Variants in AAR2 observed in about 807,000 individuals in gnomAD.
The protein encoded by AAR2 is protein AAR2 homolog.
A neutral mutation model predicts 26.9 loss-of-function variants in AAR2; 31 were observed. The observed-to-expected ratio is 1.15, with a 90% CI of 0.86 to 1.55. AAR2 has a LOEUF of 1.55. Ranked by LOEUF, AAR2 falls within the 40% of genes most tolerant of loss-of-function variation. The pLI, the probability that AAR2 is intolerant of heterozygous loss-of-function variation, is 0.00. For synonymous variants in AAR2, 188 were observed against 196.1 expected, an observed-to-expected ratio of 0.96 and a Z score of 0.34; for missense variants, 430 against 491.3, an observed-to-expected ratio of 0.88 and a Z score of 1.18.
chr20:36,249,572 T>C (rs1241888993), intron 3 of AAR2, among the ~76,000 whole-genome samples: 1 of 152,200 alleles, frequency 6.6e-6, no homozygotes, highest in African/African-American at 2.4e-5. Flanking sequence ...ACTCTGACGA[T>C]GAGGTCTATG....
rs1472533242 is a variant in AAR2, at chr20:36,240,545, C to T, written c.677C>T (p.Thr226Ile). 7 of 1,613,896 alleles carry T rather than the reference C, an allele frequency of 4.3e-6. No individual in the cohort carries two copies. Among genetic ancestry groups the T allele is most frequent in the East Asian group, 2.2e-5 (1 of 44,884 alleles). ...GAGGGTGCCACGCCAGCTGAGATAA[C>T]CAAGCACAGCATGGACCTGAGCTAT... ...FPEGATPAEI[T>I]KHSMDLSYAL... Residue 226 changes from threonine (T) to isoleucine (I), a missense_variant, in exon 2 of 4, where the codon ACC (threonine) becomes ATC (isoleucine). Physicochemically the swap from Thr to Ile is moderately conservative, Grantham distance 89. Transcript: ENST00000320849.
At chr20:36,254,358 G>A (rs886959190) in intron 3 of AAR2, among the ~76,000 whole-genome samples, 12 of 152,210 alleles carry the variant, frequency 7.9e-5, no homozygotes, top group Non-Finnish European at 1.8e-4. Context: ...GACAAATGCT[G>A]TATGATTCCA....
Position 36,244,829 on chromosome 20 carries a change from A to G in AAR2, c.890A>G (p.Asn297Ser), listed in dbSNP as rs1428159680. ...AMMKHHTLYI[N>S]LISILYHQLG... Reference sequence around the variant, plus strand: ...ATGAAGCACCACACCCTCTACATCAACCTCATCTCCATCCTGTACCACCAG... The same window carrying G: ...ATGAAGCACCACACCCTCTACATCAGCCTCATCTCCATCCTGTACCACCAG... Residue 297 changes from asparagine (N) to serine (S), a missense_variant, in exon 3 of 4, where the codon AAC becomes AGC. Asn to Ser is a conservative substitution (Grantham distance 46, BLOSUM62 1). Coordinates refer to ENST00000320849, the MANE Select transcript of AAR2 (RefSeq NM_001271874.2). 1.9e-6 allele frequency: 3 copies of G among 1,613,998 alleles called. No homozygotes were observed. Among genetic ancestry groups the G allele is most frequent in the South Asian group, 2.2e-5 (2 of 91,076 alleles).
At chr20:36,243,219 C>G (rs1236133049) in intron 2 of AAR2, among the ~76,000 whole-genome samples, 2 of 152,158 alleles carry the variant, frequency 1.3e-5, no homozygotes, top group Non-Finnish European at 2.9e-5. Context: ...GTCAGAAATG[C>G]ACAAATTTAA....
intron 3 of AAR2, among the ~76,000 whole-genome samples, chr20:36,248,283 G>C (rs1012163121): frequency 6.6e-6 from 1 of 151,994 alleles, no homozygotes; most frequent in Non-Finnish European, 1.5e-5. Context: ...CTGAGTCATG[G>C]GCTCCTTTTA....
At chr20:36,252,036 G>A (rs1232260374) in intron 3 of AAR2, among the ~76,000 whole-genome samples, 1 of 152,198 alleles carries the variant, frequency 6.6e-6, no homozygotes, top group East Asian at 1.9e-4. Flanking sequence ...CCCACTTTTA[G>A]AGGGTGCAAA....
intron 3 of AAR2, 24 bp from the exon 4 acceptor site, chr20:36,255,554 T>G (rs768237564): frequency 6.2e-7 from 1 of 1,613,452 alleles, no homozygotes; most frequent in South Asian, 1.1e-5. Flanking sequence ...TTCTCAGGAG[T>G]GACTTATCCT....
At chr20:36,255,535 C>T (rs1380267411) in intron 3 of AAR2, 43 bp from the exon 4 acceptor site, 2 of 1,607,814 alleles carry the variant, frequency 1.2e-6, no homozygotes, top group East Asian at 2.2e-5. Flanking sequence ...TCGCCCCCTG[C>T]CCTCCGTCTT....
Position 36,244,765 on chromosome 20 carries a change from C to T in AAR2, c.826C>T (p.Arg276Trp), listed in dbSNP as rs1340993736. The change falls in exon 3 of 4, where the codon CGG (arginine) becomes TGG (tryptophan). Residue 276 changes from arginine to tryptophan, a missense_variant. Coordinates refer to ENST00000320849, the MANE Select transcript of AAR2 (RefSeq NM_001271874.2). ...GTACGAGGCATTTGAGCATTGGAAG[C>T]GGCTCCTGAACCTCCTGTGCCGGTC... ...NVYEAFEHWK[R>W]LLNLLCRSEA... 1.5e-5 allele frequency: 24 copies of T among 1,614,042 alleles called. No homozygotes were observed. Among genetic ancestry groups the T allele is most frequent in the East Asian group, 6.7e-5 (3 of 44,890 alleles).
Position 36,244,944 on chromosome 20 carries a change from C to T in AAR2, c.987+18C>T. The T allele has an allele frequency of 6.3e-7, 1 of 1,597,414 alleles. No homozygotes were observed. The highest frequency in any genetic ancestry group is 8.6e-7 in the Non-Finnish European group (1 of 1,164,974). ...CCTTACAGGTGAGCAGTCTTTCTGA[C>T]TGAGCTGATGCACATGTGGGTCAGA... On this transcript the variant is annotated intron_variant, in intron 3 of 3. Coordinates refer to ENST00000320849, the MANE Select transcript of AAR2 (RefSeq NM_001271874.2).
chr20:36,251,290 G>A (rs2064778610), intron 3 of AAR2, among the ~76,000 whole-genome samples: 1 of 152,126 alleles, frequency 6.6e-6, no homozygotes, highest in Non-Finnish European at 1.5e-5. Context: ...GAGCCCAGGA[G>A]TTCAAGGCTG....
chr20:36,243,660 CTGTT>C (rs1439852306), intron 2 of AAR2, among the ~76,000 whole-genome samples: 7 of 152,200 alleles, frequency 4.6e-5, no homozygotes, highest in Admixed American at 3.9e-4. Flanking sequence ...CATCAGGTCT[CTGTT>C]TGAGATGGGC....
At chr20:36,244,980 C>T (rs1375211408) in intron 3 of AAR2, 54 bp downstream of exon 3, 5 of 1,498,270 alleles carry the variant, frequency 3.3e-6, no homozygotes, top group South Asian at 1.1e-5. Context: ...ATTGAGGCAA[C>T]AGTATGTGTT....
At chr20:36,238,328 C>A (rs2064639593) in intron 1 of AAR2, among the ~76,000 whole-genome samples, 1 of 152,174 alleles carries the variant, frequency 6.6e-6, no homozygotes, top group Admixed American at 6.5e-5. Flanking sequence ...TTGTGACTTG[C>A]AGTTTGGTGA....
At chr20:36,249,202 A>G (rs1219576876) in intron 3 of AAR2, among the ~76,000 whole-genome samples, 1 of 152,156 alleles carries the variant, frequency 6.6e-6, no homozygotes, top group Non-Finnish European at 1.5e-5. Flanking sequence ...CAACTTTCCC[A>G]TGTGAGGCCC....
At chr20:36,245,607 C>T (rs1431329596) in intron 3 of AAR2, among the ~76,000 whole-genome samples, 1 of 152,210 alleles carries the variant, frequency 6.6e-6, no homozygotes, top group East Asian at 1.9e-4. Flanking sequence ...TCCATACTTT[C>T]CCTCCCATGA....
At chr20:36,250,970 G>A (rs1452969159) in intron 3 of AAR2, among the ~76,000 whole-genome samples, 2 of 152,106 alleles carry the variant, frequency 1.3e-5, no homozygotes, top group Non-Finnish European at 1.5e-5. Context: ...GACAAGGTGC[G>A]TGGATCACTT....
At chr20:36,239,726 G>A in intron 1 of AAR2, 95 bp from the exon 2 acceptor site, 1 of 929,426 alleles carries the variant, frequency 1.1e-6, no homozygotes, top group Non-Finnish European at 1.6e-6. Context: ...AATTATGTCA[G>A]GGGTCTAACT....
At chr20:36,255,233 C>T (rs1248273784) in intron 3 of AAR2, among the ~76,000 whole-genome samples, 1 of 152,206 alleles carries the variant, frequency 6.6e-6, no homozygotes, top group African/African-American at 2.4e-5. Context: ...ATAAGCACCC[C>T]CAAGCCTTTC....
Sources: allele counts gnomAD v4.1 joint callset (sites outside exome capture counted in the v4.1 genomes callset), GRCh38; gene constraint gnomAD v4.1.1; transcripts MANE v1.5; gene names NCBI Gene and HGNC (gene_info 2026-07-23, HGNC 2026-07-21).